The following HAUS6 variants were observed in gnomAD, a reference collection of about 807,000 sequenced individuals.
The protein encoded by HAUS6 is HAUS augmin-like complex subunit 6.
HAUS6 carries 80 observed loss-of-function variants against 106.8 expected under a neutral mutation model. The observed-to-expected ratio is 0.75, with a 90% CI of 0.63 to 0.90. The LOEUF is 0.90. Ranked by LOEUF, HAUS6 falls within the 40% of genes least tolerant of loss-of-function variation. The pLI is 0.00. For synonymous variants in HAUS6, 356 were observed against 379.1 expected (o/e 0.94, Z 0.71); for missense variants, 1,155 against 1,118.1 (o/e 1.03, Z -0.47).
chr9:19,054,863 G>C lies in HAUS6; in HGVS notation c.*1480C>G, dbSNP rs1340767780. 2.0e-5 allele frequency: 3 copies of C among 152,192 alleles called. No homozygotes were observed. The highest frequency in any genetic ancestry group is 4.4e-5 in the Non-Finnish European group (3 of 68,030). The allele number at this position is 152,192 out of a possible 1,614,324, so 9.4% of individuals were successfully genotyped here. A position where few individuals can be genotyped will look rare whatever the true frequency, so the allele number is the denominator to read the frequency against. On this transcript the variant is annotated 3_prime_UTR_variant, in exon 17 of 17. Coordinates refer to ENST00000380502, the MANE Select transcript of HAUS6 (RefSeq NM_017645.5). ...TGGCTTTGGCACTTCTGCAGATGCT[G>C]ATAAGACAGTATCACATGCTAAGTT... is the stretch of plus-strand genomic sequence containing the variant.
intron 11 of HAUS6, among the ~76,000 whole-genome samples, chr9:19,075,860 G>C (rs1054673768): frequency 2.6e-5 from 4 of 152,162 alleles, no homozygotes; most frequent in African/African-American, 9.6e-5. Context: ...AGGAGGCTGA[G>C]GCAAGATGGT....
intron 5 of HAUS6, among the ~76,000 whole-genome samples, chr9:19,087,362 A>T (rs1564018069): frequency 6.6e-6 from 1 of 152,144 alleles, no homozygotes; most frequent in African/African-American, 2.4e-5. Flanking sequence ...ATAGGTTAGT[A>T]TATCCTCTCC....
chr9:19,066,529 T>C lies in HAUS6; in HGVS notation c.1377-2949A>G, dbSNP rs1449125901. ...TATAGGAGAAAACATAGAAGTTAGA[T>C]GTCTAGAACAACAGCATCATTACCG... is the stretch of plus-strand genomic sequence containing the variant. On this transcript the variant is annotated intron_variant, in intron 12 of 16. Coordinates refer to ENST00000380502, the MANE Select transcript of HAUS6 (RefSeq NM_017645.5). Among the ~76,000 whole-genome samples the C allele has an allele frequency of 3.3e-5, 5 of 152,094 alleles. No individual in the cohort carries two copies. The East Asian group carries it at 7.7e-4, about 23-fold the overall frequency.
intron 10 of HAUS6, among the ~76,000 whole-genome samples, chr9:19,076,951 C>T (rs191461735): frequency 8.5e-5 from 13 of 152,134 alleles, no homozygotes; most frequent in Admixed American, 2.6e-4. Context: ...TTAAGCAGTC[C>T]TCCCACTTCA....
At chr9:19,078,058 C>G (rs966613942) in intron 10 of HAUS6, 118 bp downstream of exon 10, 1 of 749,126 alleles carries the variant, frequency 1.3e-6, no homozygotes, top group African/African-American at 1.8e-5. Context: ...CCACTGTACT[C>G]CAGCCAGCTA....
intron 12 of HAUS6, chr9:19,063,847 G>A: frequency 1.6e-6 from 1 of 622,984 alleles, no homozygotes; most frequent in Non-Finnish European, 3.0e-6. Flanking sequence ...AAAGAGTTAA[G>A]TGACTTAATG....
intron 11 of HAUS6, among the ~76,000 whole-genome samples, chr9:19,075,109 G>A (rs879676615): frequency 1.8e-4 from 27 of 152,270 alleles, no homozygotes; most frequent in African/African-American, 5.8e-4. Flanking sequence ...CTTTGAAAAC[G>A]CTATGCTAAG....
chr9:19,086,091 C>G (rs1205159954), intron 7 of HAUS6, among the ~76,000 whole-genome samples: 1 of 151,414 alleles, frequency 6.6e-6, no homozygotes, highest in Non-Finnish European at 1.5e-5. Flanking sequence ...GCGGGCAGAT[C>G]ACCTGAGGTC....
intron 12 of HAUS6, among the ~76,000 whole-genome samples, chr9:19,065,670 A>T (rs973370097): frequency 1.3e-5 from 2 of 151,950 alleles, no homozygotes; most frequent in African/African-American, 4.8e-5. Flanking sequence ...ATGAAACCCC[A>T]TATCTACTAA....
chr9:19,069,360 T>C (rs1263894192), intron 12 of HAUS6, among the ~76,000 whole-genome samples: 1 of 152,006 alleles, frequency 6.6e-6, no homozygotes, highest in African/African-American at 2.4e-5. Context: ...TTTCTGAAAA[T>C]GTGGGTCTAT....
At chr9:19,074,173 G>A (rs1289882750) in intron 11 of HAUS6, among the ~76,000 whole-genome samples, 2 of 151,818 alleles carry the variant, frequency 1.3e-5, no homozygotes, top group African/African-American at 4.8e-5. Flanking sequence ...CTTGAACCCG[G>A]GAGGCGAAGG....
chr9:19,080,174 CAAAA>C (rs746423003), intron 9 of HAUS6, among the ~76,000 whole-genome samples: 4 of 37,590 alleles, frequency 1.1e-4, no homozygotes, highest in African/African-American at 1.8e-4. Flanking sequence ...AACTCCGTCT[CAAAA>C]AAAAAAAAAA....
chr9:19,088,766 T>C (rs1817684950), intron 5 of HAUS6, among the ~76,000 whole-genome samples: 1 of 151,096 alleles, frequency 6.6e-6, no homozygotes. Flanking sequence ...TAATCTCAGC[T>C]ACTCAGGAGC....
chr9:19,088,258 A>G (rs1006042592), intron 5 of HAUS6, among the ~76,000 whole-genome samples: 3 of 151,568 alleles, frequency 2.0e-5, no homozygotes, highest in Non-Finnish European at 4.4e-5. Flanking sequence ...CTACTAAAAA[A>G]TACAAAAATT....
At position 19,089,348 on chromosome 9, in the gene HAUS6, A is replaced by G. The variant is rs1380032016; in HGVS notation, c.584+64T>C. ...GTAGGCATGGATTATTTCTCCTGAC[A>G]TTATATTGGTGACATCTGTTCAAAA... On this transcript the variant is annotated intron_variant, in intron 5 of 16. Transcript: ENST00000380502. 3.9e-6 allele frequency: 4 copies of G among 1,032,518 alleles called. No individual in the cohort carries two copies. The East Asian group carries it at 7.2e-5, about 19-fold the overall frequency. The allele number at this position is 1,032,518 out of a possible 1,614,324, so 64.0% of individuals were successfully genotyped here.
chr9:19,064,861 T>C lies in HAUS6; in HGVS notation c.1377-1281A>G, dbSNP rs376547955. 8.5e-5 allele frequency among the ~76,000 whole-genome samples: 13 copies of C among 152,326 alleles called. No individual in the cohort carries two copies. The East Asian group carries it at 2.5e-3, about 29-fold the overall frequency. On this transcript the variant is annotated intron_variant, in intron 12 of 16. Coordinates refer to ENST00000380502, the MANE Select transcript of HAUS6 (RefSeq NM_017645.5). ...AAAGAATTGATCATCTACTAGATTTTGAGGGAAACTTAACATTAAAATTAT... is the reference window on the plus strand; with the variant it reads ...AAAGAATTGATCATCTACTAGATTTCGAGGGAAACTTAACATTAAAATTAT...
intron 11 of HAUS6, among the ~76,000 whole-genome samples, chr9:19,076,046 G>T (rs903679496): frequency 7.9e-5 from 12 of 151,190 alleles, no homozygotes; most frequent in African/African-American, 2.7e-4. Context: ...GTGGGTTAGA[G>T]GGTTTTTTTG....
At chr9:19,059,441 T>C (rs1343536012) in intron 15 of HAUS6, among the ~76,000 whole-genome samples, 1 of 152,238 alleles carries the variant, frequency 6.6e-6, no homozygotes, top group African/African-American at 2.4e-5. Flanking sequence ...ATGCTTATGT[T>C]CAATACAATT....
intron 11 of HAUS6, among the ~76,000 whole-genome samples, chr9:19,074,912 T>C (rs1461152847): frequency 3.3e-5 from 5 of 152,206 alleles, no homozygotes; most frequent in Non-Finnish European, 5.9e-5. Context: ...AAAAAAATTG[T>C]GAGCTTCCAC....
Sources: gnomAD v4.1 joint callset for allele counts (sites outside exome capture counted in the v4.1 genomes callset) on GRCh38, gnomAD v4.1.1 for gene constraint, MANE v1.5 for transcripts, NCBI Gene and HGNC (gene_info 2026-07-23, HGNC 2026-07-21) for gene names.